Variants in CHRNA7 observed in about 807,000 individuals in gnomAD.
CHRNA7 encodes the protein cholinergic receptor nicotinic alpha 7 subunit, also known as neuronal acetylcholine receptor subunit alpha-7.
Under a neutral mutation model 48.0 loss-of-function variants are expected in CHRNA7, and 17 were observed. The ratio of observed to expected loss-of-function variants is 0.35; its 90% CI spans 0.24 to 0.53. The LOEUF (loss-of-function observed/expected upper bound fraction) is 0.53, where lower values mean the gene tolerates loss of function less well. Ranked by LOEUF, CHRNA7 falls within the 20% of genes least tolerant of loss-of-function variation. The pLI, the probability that CHRNA7 is intolerant of heterozygous loss-of-function variation, is 0.92. For missense variants in CHRNA7, 155 were observed against 577.7 expected (o/e 0.27, Z 7.50); for synonymous variants, 75 against 242.3 (o/e 0.31, Z 6.41).
At chr15:32,086,419 T>C (rs1001354133) in intron 2 of CHRNA7, among the ~76,000 whole-genome samples, 2 of 151,660 alleles carry the variant, frequency 1.3e-5, no homozygotes, top group African/African-American at 4.8e-5. Flanking sequence ...TCAAGTTTAC[T>C]TTAACAGCTA....
At chr15:32,120,329 C>CT (rs2050946546) in intron 4 of CHRNA7, among the ~76,000 whole-genome samples, 4 of 152,180 alleles carry the variant, frequency 2.6e-5, no homozygotes, top group Admixed American at 2.0e-4. Flanking sequence ...GCTGGCTCCA[C>CT]TTTCGCACCT....
intron 2 of CHRNA7, among the ~76,000 whole-genome samples, chr15:32,067,275 G>C (rs1218955100): frequency 6.6e-6 from 1 of 152,188 alleles, no homozygotes; most frequent in Admixed American, 6.5e-5. Context: ...AAAGCAGCAG[G>C]AGAGAACCAA....
At chr15:32,103,666 C>G (rs2141264760) in intron 3 of CHRNA7, among the ~76,000 whole-genome samples, 1 of 152,262 alleles carries the variant, frequency 6.6e-6, no homozygotes, top group East Asian at 1.9e-4. Context: ...GGCCTTCTTC[C>G]CATGGACAGA....
At chr15:32,118,132 A>T (rs1295136277) in intron 4 of CHRNA7, among the ~76,000 whole-genome samples, 2 of 152,130 alleles carry the variant, frequency 1.3e-5, no homozygotes, top group Non-Finnish European at 2.9e-5. Context: ...ATAACTTGAT[A>T]AGAAGAGGAA....
intron 2 of CHRNA7, among the ~76,000 whole-genome samples, chr15:32,095,614 G>A (rs1407257645): frequency 6.6e-6 from 1 of 152,154 alleles, no homozygotes; most frequent in East Asian, 1.9e-4. Flanking sequence ...TCAGTCTGCT[G>A]CTGGTCCCTA....
intron 4 of CHRNA7, among the ~76,000 whole-genome samples, chr15:32,129,811 T>C (rs1012536047): frequency 2.6e-5 from 4 of 151,938 alleles, no homozygotes; most frequent in African/African-American, 7.2e-5. Flanking sequence ...AGCATAGATA[T>C]AGACTTGAAT....
chr15:32,116,298 T>A (rs1272631124), intron 4 of CHRNA7, among the ~76,000 whole-genome samples: 1 of 152,216 alleles, frequency 6.6e-6, no homozygotes, highest in African/African-American at 2.4e-5. Context: ...TTTTGAGATA[T>A]AATGCATTTT....
chr15:32,116,751 C>T (rs796179807), intron 4 of CHRNA7, among the ~76,000 whole-genome samples: 4 of 151,996 alleles, frequency 2.6e-5, no homozygotes, highest in Non-Finnish European at 4.4e-5. Flanking sequence ...CTGAGTTGCT[C>T]GGTCAGAAAA....
In CHRNA7 at chr15:32,159,012, C is replaced by T. The variant is rs886745782; in HGVS notation, c.793+406C>T. ...ACCCAGTGTAATTCTTACGATCACT[C>T]CCATACGAAGCTAAGGAAACCAAGA... On this transcript the variant is annotated intron_variant, in intron 7 of 9. Transcript: ENST00000306901. The T allele has an allele frequency of 4.0e-5, 10 of 250,472 alleles. No homozygotes were observed. The Admixed American group carries it at 4.9e-4, about 12-fold the overall frequency. 15.5% of individuals were successfully genotyped at this position (250,472 alleles called of 1,614,324 possible). A position where few individuals can be genotyped will look rare whatever the true frequency, so the allele number is the denominator to read the frequency against.
intron 4 of CHRNA7, among the ~76,000 whole-genome samples, chr15:32,131,880 C>T (rs2051163309): frequency 6.6e-6 from 1 of 152,106 alleles, no homozygotes; most frequent in African/African-American, 2.4e-5. Flanking sequence ...GTGGTTCAGG[C>T]CCCCCACTCA....
intron 2 of CHRNA7, among the ~76,000 whole-genome samples, chr15:32,069,768 A>G (rs1187145351): frequency 1.3e-5 from 2 of 152,162 alleles, no homozygotes; most frequent in African/African-American, 4.8e-5. Context: ...AAACCTTCTT[A>G]TATCTTGAAT....
At chr15:32,047,465 C>G (rs1002936021) in intron 2 of CHRNA7, among the ~76,000 whole-genome samples, 1 of 151,996 alleles carries the variant, frequency 6.6e-6, no homozygotes, top group Admixed American at 6.5e-5. Flanking sequence ...TGATTTGGCT[C>G]TCTGTTTGTC....
At chr15:32,126,592 T>C (rs182681936) in intron 4 of CHRNA7, among the ~76,000 whole-genome samples, 1 of 152,328 alleles carries the variant, frequency 6.6e-6, no homozygotes, top group Admixed American at 6.5e-5. Context: ...TCAGTCCATC[T>C]ACTTAATATA....
Position 32,030,987 on chromosome 15 carries a change from C to T in CHRNA7, c.145C>T (p.Gln49Ter), listed in dbSNP as rs766039837. Residue 49 changes from glutamine to a stop codon, truncating the protein, a stop_gained, in exon 2 of 10, where the codon CAA becomes TAA. Transcript: ENST00000306901. LOFTEE classifies it high-confidence loss of function. ...GGAGAGGCCCGTGGCCAATGACTCG[C>T]AACCACTCACCGTCTACTTCTCCCT... is the stretch of plus-strand genomic sequence containing the variant. ...PLERPVANDSQPLTVYFSLSL... is the reference protein window; with the variant it reads ...PLERPVANDS 1.9e-6 allele frequency: 3 copies of T among 1,614,108 alleles called. No homozygotes were observed. The African/African-American group carries it at 4.0e-5, about 22-fold the overall frequency.
intron 2 of CHRNA7, among the ~76,000 whole-genome samples, chr15:32,071,273 A>G (rs561007859): frequency 1.3e-5 from 2 of 152,230 alleles, no homozygotes; most frequent in Admixed American, 6.5e-5. Context: ...TTGTCTTTCC[A>G]TATACATTTT....
intron 2 of CHRNA7, among the ~76,000 whole-genome samples, chr15:32,094,198 G>C (rs2050428849): frequency 6.6e-6 from 1 of 152,212 alleles, no homozygotes; most frequent in African/African-American, 2.4e-5. Context: ...GTGGCTAGCT[G>C]GTGGATGAGG....
At chr15:32,083,940 G>A (rs1189941456) in intron 2 of CHRNA7, among the ~76,000 whole-genome samples, 1 of 152,112 alleles carries the variant, frequency 6.6e-6, no homozygotes, top group Non-Finnish European at 1.5e-5. Flanking sequence ...GTCTGTATTT[G>A]ATTTTTTAGC....
chr15:32,095,017 A>G (rs535366411), intron 2 of CHRNA7, among the ~76,000 whole-genome samples: 44 of 152,354 alleles, frequency 2.9e-4, no homozygotes, highest in Non-Finnish European at 3.1e-4. Flanking sequence ...ATTGATAGCC[A>G]TTACCCTTGT....
intron 4 of CHRNA7, among the ~76,000 whole-genome samples, chr15:32,124,824 T>C (rs1056704478): frequency 6.6e-6 from 1 of 152,200 alleles, no homozygotes; most frequent in Non-Finnish European, 1.5e-5. Flanking sequence ...ATTAGTGTCC[T>C]TATAAGAAGA....
Sources: gnomAD v4.1 joint callset for allele counts (sites outside exome capture counted in the v4.1 genomes callset) on GRCh38, gnomAD v4.1.1 for gene constraint, MANE v1.5 for transcripts, NCBI Gene and HGNC (gene_info 2026-07-23, HGNC 2026-07-21) for gene names.